The following ECT2 variants were observed in gnomAD, a reference collection of about 807,000 sequenced individuals.
ECT2 encodes the protein protein ECT2.
ECT2 carries 61 observed loss-of-function variants against 116.9 expected under a neutral mutation model. That is an observed-to-expected ratio of 0.52 (90% CI 0.42 to 0.65). The LOEUF (loss-of-function observed/expected upper bound fraction) is 0.65. Among genes scored for constraint, ECT2 ranks in the 30% least tolerant of loss-of-function variants. The pLI is 0.00. For synonymous variants in ECT2, 358 were observed against 346.4 expected (o/e 1.03, Z -0.37); for missense variants, 937 against 1,078.7 (o/e 0.87, Z 1.84).
Position 172,761,764 on chromosome 3 carries a change from A to G in ECT2, c.758+81A>G, listed in dbSNP as rs538922329. On this transcript the variant is annotated intron_variant, in intron 8 of 24. Transcript: ENST00000392692. ...GATAAATCCATGTGCTGAAAAAAGTAATTTCATAGATATAAAAACTGAATT... is the reference window on the plus strand; with the variant it reads ...GATAAATCCATGTGCTGAAAAAAGTGATTTCATAGATATAAAAACTGAATT... 5.4e-4 allele frequency: 498 copies of G among 927,190 alleles called. 3 individuals are homozygous for G. In the Middle Eastern group the frequency reaches 8.8e-3, roughly 16 times the overall value. 57.4% of individuals were successfully genotyped at this position (927,190 alleles called of 1,614,324 possible).
Position 172,762,713 on chromosome 3 carries a change from A to T in ECT2, c.912A>T (p.Gly304=). 1 of 1,611,686 alleles carries T rather than the reference A, an allele frequency of 6.2e-7. No individual in the cohort carries two copies. Among genetic ancestry groups the T allele is most frequent in the South Asian group, 1.1e-5 (1 of 90,380 alleles). The change falls in exon 10 of 25, where the codon GGA becomes GGT. Residue 304 remains glycine (G), a synonymous_variant. Coordinates refer to ENST00000392692, the MANE Select transcript of ECT2 (RefSeq NM_001258315.2). The stretch of plus-strand genomic sequence containing the variant: ...TAGGAGGTAAATATTTACCGCTTGG[A>T]GATGAAAGATGCACTCACCTTGTAG... The part of the protein sequence containing the change: ...EMQGGKYLPL[G]DERCTHLVVE...
At chr3:172,760,643 C>T (rs1397124228) in intron 7 of ECT2, among the ~76,000 whole-genome samples, 2 of 142,942 alleles carry the variant, frequency 1.4e-5, no homozygotes, top group East Asian at 2.1e-4. Context: ...TGACTAGGAT[C>T]GTGGGGGTTG....
chr3:172,778,653 T>C (rs552707027), intron 14 of ECT2, among the ~76,000 whole-genome samples: 4 of 146,424 alleles, frequency 2.7e-5, no homozygotes, highest in African/African-American at 1.1e-4. Context: ...TGGAGTGCAA[T>C]TGCACAATCT....
At chr3:172,775,351 A>T (rs935187742) in intron 14 of ECT2, among the ~76,000 whole-genome samples, 1 of 152,288 alleles carries the variant, frequency 6.6e-6, no homozygotes, top group East Asian at 1.9e-4. Flanking sequence ...AAAATAGAAG[A>T]TCTATAAATT....
chr3:172,768,250 T>A (rs903952742), intron 12 of ECT2, among the ~76,000 whole-genome samples: 1 of 152,212 alleles, frequency 6.6e-6, no homozygotes, highest in African/African-American at 2.4e-5. Context: ...CCTCTTTACA[T>A]GTAAGTATTT....
chr3:172,771,599 G>T (rs1359624718), intron 13 of ECT2, among the ~76,000 whole-genome samples: 1 of 152,158 alleles, frequency 6.6e-6, no homozygotes, highest in Non-Finnish European at 1.5e-5. Context: ...TGAGTGGTGT[G>T]CTATATTATC....
At position 172,786,589 on chromosome 3, in the gene ECT2, T is replaced by G. The variant is rs1471369802; in HGVS notation, c.1907+15T>G. On this transcript the variant is annotated intron_variant, in intron 18 of 24. Coordinates refer to ENST00000392692, the MANE Select transcript of ECT2 (RefSeq NM_001258315.2). ...GAAGTAATGACGTAAGTGCATTATTTTCAATTTTTGATTGTGCCTTAGATT... is the reference window on the plus strand; with the variant it reads ...GAAGTAATGACGTAAGTGCATTATTGTCAATTTTTGATTGTGCCTTAGATT... The G allele has an allele frequency of 1.9e-6, 3 of 1,556,352 alleles. No homozygotes were observed.
intron 21 of ECT2, among the ~76,000 whole-genome samples, chr3:172,806,904 A>C (rs963833731): frequency 7.2e-5 from 11 of 152,050 alleles, no homozygotes; most frequent in African/African-American, 2.7e-4. Context: ...CGGCCTCCCA[A>C]AGTGCTGGGA....
intron 14 of ECT2, among the ~76,000 whole-genome samples, chr3:172,779,062 G>A (rs928485734): frequency 1.3e-5 from 2 of 152,144 alleles, no homozygotes; most frequent in Non-Finnish European, 2.9e-5. Flanking sequence ...AGCATTTAGA[G>A]GAATCCCTAA....
chr3:172,819,470 T>C lies in ECT2; in HGVS notation c.2656-678T>C, dbSNP rs2109413882. Among the ~76,000 whole-genome samples, 2 of 152,262 alleles carry C rather than the reference T, an allele frequency of 1.3e-5. 1 individual carries two copies. The highest frequency in any genetic ancestry group is 6.8e-3 in the Middle Eastern group (2 of 294). The stretch of plus-strand genomic sequence containing the variant: ...AATCACTGTTATCCAGAAGGATTGC[T>C]GTTTCACTCAATTTTTATACGGAAC... On this transcript the variant is annotated intron_variant, in intron 24 of 24. Coordinates refer to ENST00000392692, the MANE Select transcript of ECT2 (RefSeq NM_001258315.2).
chr3:172,797,018 C>CTGTGTG (rs57188529), intron 18 of ECT2, among the ~76,000 whole-genome samples: 2,631 of 139,090 alleles, frequency 0.019, 38 homozygotes, highest in South Asian at 0.027. Context: ...TCAGGTTCAA[C>CTGTGTG]TGTGTGTGTG....
At chr3:172,818,759 T>C in intron 24 of ECT2, 2 of 1,285,006 alleles carry the variant, frequency 1.6e-6, no homozygotes, top group Non-Finnish European at 2.0e-6. Context: ...TTGACATTTG[T>C]GAAGAATTAG....
At chr3:172,763,807 G>C (rs992772595) in intron 11 of ECT2, among the ~76,000 whole-genome samples, 1 of 152,158 alleles carries the variant, frequency 6.6e-6, no homozygotes, top group Admixed American at 6.5e-5. Context: ...AATCTATATA[G>C]TACCATATTG....
At chr3:172,818,724 CA>C (rs1730212327) in intron 24 of ECT2, 4 of 1,285,846 alleles carry the variant, frequency 3.1e-6, no homozygotes, top group Non-Finnish European at 4.1e-6. Context: ...TTTCAAATTT[CA>C]AAAAAGTTCT....
chr3:172,769,407 T>C (rs1217633653), intron 13 of ECT2, among the ~76,000 whole-genome samples: 1 of 152,174 alleles, frequency 6.6e-6, no homozygotes, highest in Non-Finnish European at 1.5e-5. Flanking sequence ...GTATCAAGTT[T>C]AATTCAGAAT....
intron 18 of ECT2, among the ~76,000 whole-genome samples, chr3:172,798,953 C>T (rs1240657290): frequency 1.3e-5 from 2 of 152,164 alleles, no homozygotes; most frequent in Non-Finnish European, 1.5e-5. Context: ...CACTTCTTGG[C>T]AGACCCAGGA....
Position 172,775,175 on chromosome 3 carries a change from T to C in ECT2, c.1548+1153T>C, listed in dbSNP as rs550701428. ...TTTAAGTAAGTAGTTTAGTTTTATT[T>C]CCTCTTATTTTACCTATGTAGTACT... On this transcript the variant is annotated intron_variant, in intron 14 of 24. Transcript: ENST00000392692. Among the ~76,000 whole-genome samples, 5 of 152,348 alleles carry C rather than the reference T, an allele frequency of 3.3e-5. No individual in the cohort carries two copies. The South Asian group carries it at 1.0e-3, about 32-fold the overall frequency.
chr3:172,760,393 T>C lies in ECT2; in HGVS notation c.684+130T>C, dbSNP rs1718009472. 15 of 510,838 alleles carry C rather than the reference T, an allele frequency of 2.9e-5. No individual in the cohort carries two copies. The South Asian group carries it at 5.6e-4, about 19-fold the overall frequency. 31.6% of individuals were successfully genotyped at this position (510,838 alleles called of 1,614,324 possible). ...AACTCAATTTTTGCTATGAATATAT[T>C]TAGTAAAAAATTTTAAATCATAAGA... On this transcript the variant is annotated intron_variant, in intron 7 of 24. Coordinates refer to ENST00000392692, the MANE Select transcript of ECT2 (RefSeq NM_001258315.2).
chr3:172,793,681 C>G (rs1188105407), intron 18 of ECT2, among the ~76,000 whole-genome samples: 1 of 151,992 alleles, frequency 6.6e-6, no homozygotes, highest in African/African-American at 2.4e-5. Flanking sequence ...CCAGTCTGGT[C>G]TCGATCTCCT....
Sources: gnomAD v4.1 joint callset for allele counts (sites outside exome capture counted in the v4.1 genomes callset) on GRCh38, gnomAD v4.1.1 for gene constraint, MANE v1.5 for transcripts, NCBI Gene and HGNC (gene_info 2026-07-23, HGNC 2026-07-21) for gene names.